ANXA4: variants seen among roughly 807,000 people sequenced by gnomAD.
ANXA4 encodes annexin A4.
Under a neutral mutation model 49.8 loss-of-function variants are expected in ANXA4, and 39 were observed. The observed-to-expected ratio is 0.78, with a 90% CI of 0.61 to 1.02. The LOEUF (loss-of-function observed/expected upper bound fraction) is 1.02. Among genes scored for constraint, ANXA4 ranks in the 50% least tolerant of loss-of-function variants. The pLI is 0.00. For synonymous variants in ANXA4, 134 were observed against 152.5 expected, an observed-to-expected ratio of 0.88 and a Z score of 0.89; for missense variants, 360 against 410.1, an observed-to-expected ratio of 0.88 and a Z score of 1.05.
intron 1 of ANXA4, among the ~76,000 whole-genome samples, chr2:69,771,036 G>A (rs1182108864): frequency 6.9e-6 from 1 of 144,346 alleles, no homozygotes; most frequent in Non-Finnish European, 1.5e-5. Context: ...CGAGGCTGAA[G>A]TGAGCTATGA....
chr2:69,803,266 A>G (rs971439820), intron 3 of ANXA4: 2 of 151,960 alleles, frequency 1.3e-5, no homozygotes, highest in African/African-American at 4.8e-5. Flanking sequence ...CTTCCTCTCC[A>G]CACCTCACAT....
chr2:69,711,341 T>C (rs1678673321), intron 2 of ANXA4, among the ~76,000 whole-genome samples: 1 of 152,200 alleles, frequency 6.6e-6, no homozygotes, highest in Non-Finnish European at 1.5e-5. Context: ...GATGTGTCTA[T>C]TTAATGCAAT....
intron 2 of ANXA4, among the ~76,000 whole-genome samples, chr2:69,663,341 C>G (rs1295459250): frequency 8.8e-6 from 1 of 113,004 alleles, no homozygotes; most frequent in African/African-American, 3.4e-5. Flanking sequence ...AAATATAGCA[C>G]ACTTACATAA....
At chr2:69,757,005 C>T (rs1671063835) in intron 1 of ANXA4, among the ~76,000 whole-genome samples, 1 of 149,148 alleles carries the variant, frequency 6.7e-6, no homozygotes, top group Non-Finnish European at 1.5e-5. Context: ...CGGCTCACTA[C>T]AACCTCCACC....
chr2:69,805,706 C>T (rs1018265267), intron 4 of ANXA4, among the ~76,000 whole-genome samples: 3 of 151,824 alleles, frequency 2.0e-5, no homozygotes, highest in Non-Finnish European at 4.4e-5. Flanking sequence ...ATATTCAAGA[C>T]ATATTGTTAA....
At chr2:69,644,483 GTTA>G (rs1675921321) in exon 1 of ANXA4, 1 of 152,242 alleles carries the variant, frequency 6.6e-6, no homozygotes, top group Non-Finnish European at 1.5e-5. Flanking sequence ...GCGTCTCGAT[GTTA>G]TTGAGAGCCG....
At chr2:69,692,482 C>T (rs147485077) in intron 2 of ANXA4, among the ~76,000 whole-genome samples, 3 of 152,282 alleles carry the variant, frequency 2.0e-5, no homozygotes, top group African/African-American at 7.2e-5. Flanking sequence ...GCTATTACCT[C>T]CTCTATAGTT....
intron 12 of ANXA4, among the ~76,000 whole-genome samples, chr2:69,823,875 A>C (rs1210079445): frequency 1.3e-5 from 2 of 152,166 alleles, no homozygotes; most frequent in Non-Finnish European, 2.9e-5. Context: ...TTTGAACCCT[A>C]TATACAGAGA....
intron 2 of ANXA4, among the ~76,000 whole-genome samples, chr2:69,687,327 G>A (rs149529391): frequency 2.0e-5 from 3 of 152,112 alleles, no homozygotes; most frequent in Non-Finnish European, 4.4e-5. Context: ...AACATGGTGA[G>A]ACCCGTCTCT....
At chr2:69,699,298 AT>A (rs1228734162) in intron 2 of ANXA4, among the ~76,000 whole-genome samples, 1 of 152,206 alleles carries the variant, frequency 6.6e-6, no homozygotes, top group African/African-American at 2.4e-5. Flanking sequence ...GAGTTAAAAG[AT>A]CAAAGATGTG....
chr2:69,675,445 A>G (rs2105349140), intron 2 of ANXA4, among the ~76,000 whole-genome samples: 1 of 152,312 alleles, frequency 6.6e-6, no homozygotes, highest in Middle Eastern at 3.4e-3. Flanking sequence ...TTTTAAAAGG[A>G]TCTGTGTGCA....
intron 6 of ANXA4, chr2:69,810,234 C>A (rs1352822415): frequency 4.2e-6 from 1 of 238,118 alleles, no homozygotes; most frequent in East Asian, 9.8e-5. Context: ...TGGGGCACAC[C>A]TGTAATCCCA....
At chr2:69,658,346 G>A (rs1055377887) in intron 2 of ANXA4, among the ~76,000 whole-genome samples, 1 of 149,732 alleles carries the variant, frequency 6.7e-6, no homozygotes, top group Non-Finnish European at 1.5e-5. Flanking sequence ...GCTGCAGTGA[G>A]CTGAGATCAC....
rs367956462 is a variant in ANXA4 at position 69,687,784 on chromosome 2, G to A, written n.767-32990G>A. 1.8e-4 allele frequency among the ~76,000 whole-genome samples: 27 copies of A among 152,172 alleles called. No individual in the cohort carries two copies. The East Asian group carries it at 2.9e-3, about 16-fold the overall frequency. On this transcript the variant is annotated intron_variant and non_coding_transcript_variant, in intron 2 of 3. Coordinates refer to the ANXA4 transcript ENST00000418066. Reference sequence around the variant, plus strand: ...GCTGGGATTACAGGCGTGGGCTGCCGCGCCCAGCTTACAACTATCAATTTT... The same window carrying A: ...GCTGGGATTACAGGCGTGGGCTGCCACGCCCAGCTTACAACTATCAATTTT...
intron 1 of ANXA4, among the ~76,000 whole-genome samples, chr2:69,776,565 C>G (rs949963851): frequency 2.0e-5 from 3 of 152,102 alleles, no homozygotes; most frequent in Non-Finnish European, 2.9e-5. Context: ...CTTCAGTTCT[C>G]TTTGGACACC....
intron 1 of ANXA4, among the ~76,000 whole-genome samples, chr2:69,648,016 G>A (rs946378502): frequency 6.6e-6 from 1 of 152,178 alleles, no homozygotes; most frequent in African/African-American, 2.4e-5. Context: ...AAGTTTGAAG[G>A]AAATGATTTG....
chr2:69,752,904 C>T (rs1045227415), intron 1 of ANXA4, among the ~76,000 whole-genome samples: 1 of 152,216 alleles, frequency 6.6e-6, no homozygotes, highest in Non-Finnish European at 1.5e-5. Context: ...CTAGTCTTTT[C>T]CAAATAAGTC....
intron 2 of ANXA4, among the ~76,000 whole-genome samples, chr2:69,698,611 C>T (rs1480635106): frequency 1.3e-5 from 2 of 152,106 alleles, no homozygotes; most frequent in African/African-American, 4.8e-5. Context: ...TGGGGACAAG[C>T]TGCGTTGTCG....
At chr2:69,649,924 A>ATTTTTT (rs35212855) in intron 1 of ANXA4, among the ~76,000 whole-genome samples, 2 of 52,014 alleles carry the variant, frequency 3.8e-5, no homozygotes, top group Non-Finnish European at 6.2e-5. Flanking sequence ...GCCTGGCCTG[A>ATTTTTT]TTTTTTTTTT....
Sources: gnomAD v4.1 joint callset for allele counts (sites outside exome capture counted in the v4.1 genomes callset) on GRCh38, gnomAD v4.1.1 for gene constraint, MANE v1.5 for transcripts, NCBI Gene and HGNC (gene_info 2026-07-23, HGNC 2026-07-21) for gene names.